GUCY1A2: variants seen among roughly 807,000 people sequenced by gnomAD.
GUCY1A2 encodes the protein guanylate cyclase 1 soluble subunit alpha 2.
Under a neutral mutation model 63.5 loss-of-function variants are expected in GUCY1A2, and 27 were observed. The observed-to-expected ratio is 0.43, with a 90% CI of 0.31 to 0.59. The LOEUF is 0.59. GUCY1A2 is among the 20% of genes least tolerant of loss of function. GUCY1A2 has a pLI of 0.11. For missense variants in GUCY1A2, 768 were observed against 913.3 expected (o/e 0.84, Z 2.05); for synonymous variants, 364 against 343.5 (o/e 1.06, Z -0.66).
intron 4 of GUCY1A2, among the ~76,000 whole-genome samples, chr11:106,908,025 A>G (rs1860237319): frequency 1.3e-5 from 2 of 152,160 alleles, no homozygotes; most frequent in Non-Finnish European, 1.5e-5. Flanking sequence ...TATTAGGATT[A>G]TAACAGAAAC....
chr11:106,977,988 G>A (rs763332294), intron 3 of GUCY1A2, among the ~76,000 whole-genome samples: 20 of 152,230 alleles, frequency 1.3e-4, no homozygotes, highest in Middle Eastern at 3.4e-3. Flanking sequence ...AGAACGTCAG[G>A]TAGTATGGTA....
chr11:106,949,038 A>G (rs1229349685), intron 3 of GUCY1A2, among the ~76,000 whole-genome samples: 1 of 152,198 alleles, frequency 6.6e-6, no homozygotes, highest in Non-Finnish European at 1.5e-5. Context: ...CTAAGCTAAA[A>G]CTGTCAAAAT....
chr11:106,911,148 A>C (rs2119864749), intron 4 of GUCY1A2, among the ~76,000 whole-genome samples: 1 of 152,146 alleles, frequency 6.6e-6, no homozygotes, highest in Middle Eastern at 3.4e-3. Flanking sequence ...AAAATGGGTA[A>C]CATACTGAAT....
intron 6 of GUCY1A2, among the ~76,000 whole-genome samples, chr11:106,757,851 A>T (rs61905177): frequency 0.22 from 34,099 of 152,194 alleles, 4,842 homozygotes; most frequent in East Asian, 0.36. Context: ...TTGAGGAGAC[A>T]GTCTGTCTGT....
At chr11:106,702,566 T>C (rs1459307995) in intron 7 of GUCY1A2, among the ~76,000 whole-genome samples, 5 of 152,116 alleles carry the variant, frequency 3.3e-5, no homozygotes, top group African/African-American at 9.7e-5. Context: ...AATATAGAAA[T>C]ATCATTCAGT....
In GUCY1A2 at chr11:106,725,394, G is replaced by GT. The variant is rs1206258776; in HGVS notation, c.1837-16729_1837-16728insA. On this transcript the variant is annotated intron_variant, in intron 6 of 7. Coordinates refer to ENST00000526355, the MANE Select transcript of GUCY1A2 (RefSeq NM_000855.3). ...TCACCGTTTTAGCCGGGATGGTCTC[G>GT]ATCTCCTGACCTCGTGATCCGCCCG... 2.7e-5 allele frequency among the ~76,000 whole-genome samples: 4 copies of GT among 145,620 alleles called. 1 individual carries two copies. Among genetic ancestry groups the GT allele is most frequent in the Admixed American group, 1.4e-4 (2 of 14,310 alleles).
At chr11:106,929,206 T>C (rs866071618) in intron 4 of GUCY1A2, among the ~76,000 whole-genome samples, 1 of 152,208 alleles carries the variant, frequency 6.6e-6, no homozygotes, top group Non-Finnish European at 1.5e-5. Context: ...TGTAAATAAG[T>C]GGCTTTCTTA....
chr11:106,880,309 C>T (rs1377866627), intron 4 of GUCY1A2, among the ~76,000 whole-genome samples: 1 of 151,952 alleles, frequency 6.6e-6, no homozygotes, highest in Non-Finnish European at 1.5e-5. Context: ...GAGATTAAGG[C>T]CTTTTGTTTG....
chr11:106,705,854 G>A (rs1000278279), intron 7 of GUCY1A2, among the ~76,000 whole-genome samples: 3 of 151,724 alleles, frequency 2.0e-5, no homozygotes, highest in African/African-American at 4.8e-5. Context: ...AGTAAGACTC[G>A]TCTCAAAAAA....
chr11:106,777,508 G>A (rs1864379509), intron 5 of GUCY1A2, among the ~76,000 whole-genome samples: 2 of 150,358 alleles, frequency 1.3e-5, no homozygotes, highest in South Asian at 4.2e-4. Flanking sequence ...CCATGAAAAA[G>A]GATGAGTTCA....
intron 6 of GUCY1A2, chr11:106,746,731 T>C (rs1273511020): frequency 3.0e-6 from 2 of 656,780 alleles, no homozygotes; most frequent in Admixed American, 2.7e-5. Context: ...CATATACATA[T>C]AGCCATGATT....
chr11:106,773,496 G>T (rs1240302435), intron 6 of GUCY1A2, among the ~76,000 whole-genome samples: 1 of 152,142 alleles, frequency 6.6e-6, no homozygotes, highest in Non-Finnish European at 1.5e-5. Context: ...TGTGACTTTT[G>T]CTACACGTGC....
intron 3 of GUCY1A2, among the ~76,000 whole-genome samples, chr11:106,978,149 C>T (rs936629176): frequency 6.6e-6 from 1 of 152,082 alleles, no homozygotes; most frequent in East Asian, 1.9e-4. Context: ...AAGTAGGGCA[C>T]AGACACCTCA....
intron 5 of GUCY1A2, among the ~76,000 whole-genome samples, chr11:106,788,125 C>T (rs947733154): frequency 2.0e-5 from 3 of 152,116 alleles, no homozygotes. Flanking sequence ...ATTTGCATTT[C>T]TCTGATGATC....
rs112265802 is a variant in GUCY1A2, at chr11:106,922,444, C to T, written c.1206+17016G>A. 1.3e-3 allele frequency among the ~76,000 whole-genome samples: 192 copies of T among 151,124 alleles called. 1 individual carries two copies. Among genetic ancestry groups the T allele is most frequent in the African/African-American group, 4.4e-3 (180 of 41,176 alleles). ...CTCACAATTTAATAAAAGACAGACA[C>T]AGAAACAAATATATATGTATATATT... On this transcript the variant is annotated intron_variant, in intron 4 of 7. Transcript: ENST00000526355.
At chr11:106,813,461 G>A (rs746854782) in intron 4 of GUCY1A2, among the ~76,000 whole-genome samples, 76 of 151,920 alleles carry the variant, frequency 5.0e-4, no homozygotes, top group Non-Finnish European at 7.4e-4. Flanking sequence ...TGCTCAGATA[G>A]TTCTATGAAA....
intron 4 of GUCY1A2, among the ~76,000 whole-genome samples, chr11:106,818,728 A>T (rs937223925): frequency 3.3e-5 from 5 of 152,184 alleles, no homozygotes; most frequent in Admixed American, 6.6e-5. Context: ...AGGTTCTTGA[A>T]GGAAATTTTA....
At chr11:107,011,735 C>T (rs773056283) in intron 1 of GUCY1A2, among the ~76,000 whole-genome samples, 20 of 148,352 alleles carry the variant, frequency 1.3e-4, no homozygotes, top group Admixed American at 2.7e-4. Context: ...AGTGAAAGTT[C>T]TACTCTTCAG....
In GUCY1A2 at chr11:106,680,985, T is replaced by G. The variant is rs1215715559; in HGVS notation, c.*6564A>C. ...TAGTTGATTTTAGCTGTAATCCTTA[T>G]ACATTATTCTAAATGATGAAGTAAA... On this transcript the variant is annotated 3_prime_UTR_variant, in exon 8 of 8. Coordinates refer to ENST00000526355, the MANE Select transcript of GUCY1A2 (RefSeq NM_000855.3). 4.9e-6 allele frequency: 1 copy of G among 203,172 alleles called. No homozygotes were observed. The highest frequency in any genetic ancestry group is 1.0e-5 in the Non-Finnish European group (1 of 98,984). 12.6% of individuals were successfully genotyped at this position (203,172 alleles called of 1,614,324 possible).
Sources: allele counts gnomAD v4.1 joint callset (sites outside exome capture counted in the v4.1 genomes callset), GRCh38; gene constraint gnomAD v4.1.1; transcripts MANE v1.5; gene names NCBI Gene and HGNC (gene_info 2026-07-23, HGNC 2026-07-21).